CARNMT1: variants seen among roughly 807,000 people sequenced by gnomAD.
The protein encoded by CARNMT1 is carnosine N-methyltransferase 1.
A neutral mutation model predicts 49.6 loss-of-function variants in CARNMT1; 28 were observed. The ratio of observed to expected loss-of-function variants is 0.56; its 90% CI spans 0.42 to 0.77. The LOEUF is 0.77. CARNMT1 is among the 30% of genes least tolerant of loss of function. CARNMT1 has a pLI of 0.00. For synonymous variants in CARNMT1, 178 were observed against 175.0 expected (o/e 1.02, Z -0.13); for missense variants, 421 against 512.6 (o/e 0.82, Z 1.73).
At chr9:75,013,144 C>T (rs892181651) in intron 3 of CARNMT1, among the ~76,000 whole-genome samples, 72 of 152,100 alleles carry the variant, frequency 4.7e-4, no homozygotes, top group African/African-American at 1.5e-3. Flanking sequence ...GAAAAAGATG[C>T]ATGATGGAAA....
At chr9:75,010,600 T>C (rs1168994959) in intron 3 of CARNMT1, among the ~76,000 whole-genome samples, 1 of 152,092 alleles carries the variant, frequency 6.6e-6, no homozygotes, top group African/African-American at 2.4e-5. Flanking sequence ...TTAACATACA[T>C]GTAACTGGAA....
intron 1 of CARNMT1, among the ~76,000 whole-genome samples, chr9:75,025,738 ATTGT>A (rs1192707458): frequency 1.3e-5 from 2 of 152,174 alleles, no homozygotes; most frequent in Admixed American, 1.3e-4. Flanking sequence ...TCAGATCCAT[ATTGT>A]TTAAGGGTCA....
intron 1 of CARNMT1, among the ~76,000 whole-genome samples, chr9:75,020,685 A>C (rs541981190): frequency 6.6e-6 from 1 of 152,294 alleles, no homozygotes; most frequent in South Asian, 2.1e-4. Flanking sequence ...TCCAACTGCC[A>C]AACAGTAATG....
chr9:74,992,005 C>T (rs1833036492), intron 6 of CARNMT1, among the ~76,000 whole-genome samples: 1 of 152,178 alleles, frequency 6.6e-6, no homozygotes, highest in Non-Finnish European at 1.5e-5. Context: ...GGCACAGTGG[C>T]TCACGCTTGT....
intron 6 of CARNMT1, among the ~76,000 whole-genome samples, chr9:74,990,689 G>C (rs1483587222): frequency 6.6e-6 from 1 of 152,162 alleles, no homozygotes; most frequent in Non-Finnish European, 1.5e-5. Flanking sequence ...AGGAATCCTT[G>C]GAAATAATGG....
At position 74,999,717 on chromosome 9, in the gene CARNMT1, A is replaced by G; in HGVS notation, c.731+13T>C. On this transcript the variant is annotated intron_variant, in intron 4 of 7. Coordinates refer to ENST00000376834, the MANE Select transcript of CARNMT1 (RefSeq NM_152420.3). ...GAGAAATTACTATTTCCAGCAAAAA[A>G]TAAATTAAATACCTGTTGAGTACAA... is the stretch of plus-strand genomic sequence containing the variant. 1 of 1,587,518 alleles carries G rather than the reference A, an allele frequency of 6.3e-7. No individual in the cohort carries two copies. The highest frequency in any genetic ancestry group is 8.5e-7 in the Non-Finnish European group (1 of 1,172,014).
intron 1 of CARNMT1, among the ~76,000 whole-genome samples, chr9:75,023,177 C>T (rs999565304): frequency 2.6e-5 from 4 of 151,512 alleles, no homozygotes; most frequent in African/African-American, 9.7e-5. Context: ...AGGAGTCATC[C>T]TAAATGCCTC....
intron 6 of CARNMT1, among the ~76,000 whole-genome samples, chr9:74,990,210 G>A (rs1381216501): frequency 6.6e-6 from 1 of 152,104 alleles, no homozygotes; most frequent in Non-Finnish European, 1.5e-5. Flanking sequence ...AACAAACTGT[G>A]CACAGTATTA....
chr9:75,004,511 CCT>C (rs1833448788), intron 3 of CARNMT1, among the ~76,000 whole-genome samples: 1 of 152,128 alleles, frequency 6.6e-6, no homozygotes, highest in Non-Finnish European at 1.5e-5. Context: ...GAAACACATA[CCT>C]GTCTTTGGTC....
intron 6 of CARNMT1, chr9:74,991,108 T>C (rs1832996318): frequency 6.6e-6 from 1 of 152,094 alleles, no homozygotes; most frequent in African/African-American, 2.4e-5. Flanking sequence ...CTTGCATCTG[T>C]GCAAAACATC....
rs758699900 is a variant in CARNMT1, at chr9:74,998,585, G to T, written c.910+13C>A. On this transcript the variant is annotated intron_variant, in intron 5 of 7. Coordinates refer to ENST00000376834, the MANE Select transcript of CARNMT1 (RefSeq NM_152420.3). The stretch of plus-strand genomic sequence containing the variant: ...AAAGGACAAGACTTTTTAAACGCTT[G>T]ATTTGGACTTACTGCATTCTGAATA... 2.6e-6 allele frequency: 4 copies of T among 1,543,116 alleles called. No individual in the cohort carries two copies. The highest frequency in any genetic ancestry group is 2.6e-6 in the Non-Finnish European group (3 of 1,145,216).
chr9:75,007,075 G>A (rs1375675398), intron 3 of CARNMT1, among the ~76,000 whole-genome samples: 1 of 152,152 alleles, frequency 6.6e-6, no homozygotes, highest in Non-Finnish European at 1.5e-5. Context: ...TCTATTAAAA[G>A]CCTTATCAAT....
At chr9:74,995,951 A>AT (rs1564094564) in intron 6 of CARNMT1, 1 of 152,172 alleles carries the variant, frequency 6.6e-6, no homozygotes, top group East Asian at 1.9e-4. Context: ...AGTAAAAAAA[A>AT]ATTTTGCATA....
At chr9:75,027,989 G>A (rs371878728) in intron 1 of CARNMT1, 23 bp downstream of exon 1, 3 of 1,549,106 alleles carry the variant, frequency 1.9e-6, no homozygotes, top group Non-Finnish European at 2.6e-6. Context: ...GGTCTGGGCC[G>A]GGGTCCGCCA....
intron 3 of CARNMT1, among the ~76,000 whole-genome samples, chr9:75,008,432 A>G (rs1396952561): frequency 5.9e-5 from 9 of 152,220 alleles, no homozygotes; most frequent in Non-Finnish European, 1.2e-4. Context: ...CCTGAGTTCA[A>G]GCAATTCTCC....
At chr9:75,016,604 G>T (rs983005209) in intron 2 of CARNMT1, 173 bp from the exon 3 acceptor site, 1 of 582,976 alleles carries the variant, frequency 1.7e-6, no homozygotes, top group South Asian at 2.3e-5. Context: ...AGAGTTTGGT[G>T]GTCTCACTGC....
intron 3 of CARNMT1, among the ~76,000 whole-genome samples, chr9:75,002,142 T>C (rs960061588): frequency 1.3e-5 from 2 of 152,162 alleles, no homozygotes; most frequent in Non-Finnish European, 2.9e-5. Flanking sequence ...GATACATCTG[T>C]AAGGACAGAG....
At chr9:75,019,138 C>T (rs543842743) in intron 1 of CARNMT1, among the ~76,000 whole-genome samples, 2 of 152,052 alleles carry the variant, frequency 1.3e-5, no homozygotes, top group South Asian at 2.1e-4. Flanking sequence ...GAAGACTAAA[C>T]GCTGATCTTT....
rs1832705901 is a variant in CARNMT1 at position 74,982,038 on chromosome 9, G to A, written c.*1729C>T. ...AGAAATCTTAAAAAAAAAAAAAAAAGGTTACAGTCTTCCCAATTTTGACAT... is the reference window on the plus strand; with the variant it reads ...AGAAATCTTAAAAAAAAAAAAAAAAAGTTACAGTCTTCCCAATTTTGACAT... On this transcript the variant is annotated 3_prime_UTR_variant, in exon 8 of 8. Transcript: ENST00000376834. 3.4e-5 allele frequency: 5 copies of A among 146,220 alleles called. No individual in the cohort carries two copies. Among genetic ancestry groups the A allele is most frequent in the South Asian group, 2.2e-4 (1 of 4,608 alleles). The allele number at this position is 146,220 out of a possible 1,614,324, so 9.1% of individuals were successfully genotyped here.
Sources: allele counts gnomAD v4.1 joint callset (sites outside exome capture counted in the v4.1 genomes callset), GRCh38; gene constraint gnomAD v4.1.1; transcripts MANE v1.5; gene names NCBI Gene and HGNC (gene_info 2026-07-23, HGNC 2026-07-21).